EXOC4: variants seen among roughly 807,000 people sequenced by gnomAD.
The protein encoded by EXOC4 is exocyst complex component 4.
In EXOC4, 71 loss-of-function variants were observed where a neutral mutation model predicts 107.2. The observed-to-expected ratio is 0.66, with a 90% CI of 0.55 to 0.81. The LOEUF (loss-of-function observed/expected upper bound fraction) is 0.81. Among genes scored for constraint, EXOC4 ranks in the 30% least tolerant of loss-of-function variants. The pLI is 0.00. For synonymous variants in EXOC4, 456 were observed against 441.2 expected (o/e 1.03, Z -0.42); for missense variants, 1,108 against 1,189.6 (o/e 0.93, Z 1.01).
At chr7:133,361,211 T>C (rs567128044) in intron 6 of EXOC4, among the ~76,000 whole-genome samples, 1 of 152,362 alleles carries the variant, frequency 6.6e-6, no homozygotes, top group South Asian at 2.1e-4. Flanking sequence ...AACGCTAAGA[T>C]GTGAGAATGA....
At chr7:133,513,584 T>G (rs1039882464) in intron 9 of EXOC4, among the ~76,000 whole-genome samples, 3 of 152,216 alleles carry the variant, frequency 2.0e-5, no homozygotes, top group African/African-American at 7.2e-5. Flanking sequence ...CCTGTCTTTT[T>G]GTGTTCTTGG....
At chr7:133,827,788 C>T (rs1187113858) in intron 11 of EXOC4, among the ~76,000 whole-genome samples, 1 of 152,162 alleles carries the variant, frequency 6.6e-6, no homozygotes, top group East Asian at 1.9e-4. Context: ...AGGACTTTAT[C>T]TCCTTGGGTA....
At chr7:133,760,278 A>G (rs1440281372) in intron 10 of EXOC4, among the ~76,000 whole-genome samples, 1 of 152,328 alleles carries the variant, frequency 6.6e-6, no homozygotes, top group East Asian at 1.9e-4. Context: ...GTGTTTATGT[A>G]TAGTGACTAT....
At chr7:133,876,884 C>G (rs977558234) in intron 11 of EXOC4, among the ~76,000 whole-genome samples, 1 of 151,600 alleles carries the variant, frequency 6.6e-6, no homozygotes, top group Admixed American at 6.6e-5. Context: ...TTCAGCAATT[C>G]GATTATTTGT....
intron 14 of EXOC4, among the ~76,000 whole-genome samples, chr7:133,963,325 A>G (rs547392665): frequency 6.6e-6 from 1 of 152,354 alleles, no homozygotes; most frequent in Non-Finnish European, 1.5e-5. Context: ...TGTAGAGTAC[A>G]TTTTAGGGTA....
intron 9 of EXOC4, among the ~76,000 whole-genome samples, chr7:133,546,149 G>A (rs1268844437): frequency 1.3e-5 from 2 of 151,868 alleles, no homozygotes; most frequent in Non-Finnish European, 2.9e-5. Flanking sequence ...TCTTTCTTAT[G>A]GGTACTGTTT....
intron 5 of EXOC4, among the ~76,000 whole-genome samples, chr7:133,354,311 T>C (rs1284065445): frequency 9.9e-5 from 15 of 152,170 alleles, no homozygotes; most frequent in Admixed American, 9.8e-4. Context: ...GTTTTGATGT[T>C]GTTATTGTTT....
intron 10 of EXOC4, among the ~76,000 whole-genome samples, chr7:133,699,148 A>C (rs919633353): frequency 6.6e-6 from 1 of 152,118 alleles, no homozygotes; most frequent in African/African-American, 2.4e-5. Flanking sequence ...AGAGTGTTTA[A>C]AATGCATGTT....
intron 9 of EXOC4, among the ~76,000 whole-genome samples, chr7:133,552,986 T>G (rs951744382): frequency 1.6e-4 from 25 of 152,268 alleles, no homozygotes; most frequent in African/African-American, 5.8e-4. Context: ...GCTTTTGGTA[T>G]AATTGAAGGA....
chr7:133,986,310 G>C (rs1485163018), intron 14 of EXOC4, among the ~76,000 whole-genome samples: 1 of 152,170 alleles, frequency 6.6e-6, no homozygotes, highest in East Asian at 1.9e-4. Context: ...CTTTCCAAAT[G>C]TGTTTCTTAG....
At chr7:133,929,515 T>C (rs1800128587) in intron 13 of EXOC4, among the ~76,000 whole-genome samples, 1 of 152,166 alleles carries the variant, frequency 6.6e-6, no homozygotes, top group Admixed American at 6.5e-5. Context: ...TTTTCACTTT[T>C]TTGCCAATTT....
At chr7:133,486,027 TTTCCATTAG>T (rs2150868633) in intron 9 of EXOC4, among the ~76,000 whole-genome samples, 1 of 152,366 alleles carries the variant, frequency 6.6e-6, no homozygotes, top group African/African-American at 2.4e-5. Flanking sequence ...GCCATTTTTA[TTTCCATTAG>T]TTTAATGAGT....
Position 133,629,528 on chromosome 7 carries a change from T to TG in EXOC4, c.1418-516dup, listed in dbSNP as rs1165872133. Among the ~76,000 whole-genome samples the TG allele has an allele frequency of 3.2e-3, 135 of 41,698 alleles. No individual in the cohort carries two copies. The Middle Eastern group carries it at 0.044, about 14-fold the overall frequency. The allele number at this position is 41,698 out of a possible 152,430, so 27.4% of individuals were successfully genotyped here. ...AGAGTAAAAGTGCTGTTTTTTGTTT[T>TG]GTTTTGTTTGTTTGTTTGTTTGTTT... is the stretch of plus-strand genomic sequence containing the variant. On this transcript the variant is annotated intron_variant, in intron 9 of 17. Coordinates refer to ENST00000253861, the MANE Select transcript of EXOC4 (RefSeq NM_021807.4).
At chr7:133,941,820 A>ATT (rs1800434901) in intron 14 of EXOC4, among the ~76,000 whole-genome samples, 1 of 54,508 alleles carries the variant, frequency 1.8e-5, no homozygotes, top group South Asian at 4.3e-4. Context: ...ATGCTTACAG[A>ATT]TTCTCTCTCT....
chr7:133,601,768 G>A (rs1249989389), intron 9 of EXOC4: 3 of 152,248 alleles, frequency 2.0e-5, no homozygotes, highest in Non-Finnish European at 4.4e-5. Flanking sequence ...GTATCTTAAG[G>A]TGTGAATTGT....
intron 17 of EXOC4, among the ~76,000 whole-genome samples, chr7:134,045,075 A>G (rs1795616383): frequency 6.6e-6 from 1 of 152,236 alleles, no homozygotes; most frequent in South Asian, 2.1e-4. Context: ...TGAGGACTAA[A>G]TCAGGTGTAT....
intron 13 of EXOC4, among the ~76,000 whole-genome samples, chr7:133,935,576 T>A (rs1412251416): frequency 6.6e-6 from 1 of 152,192 alleles, no homozygotes; most frequent in Non-Finnish European, 1.5e-5. Flanking sequence ...ATATGTAACA[T>A]ACTTCCTCCT....
intron 7 of EXOC4, among the ~76,000 whole-genome samples, chr7:133,431,031 G>A (rs529589580): frequency 5.3e-5 from 8 of 152,268 alleles, no homozygotes; most frequent in South Asian, 2.1e-4. Context: ...AATCCAACCC[G>A]TTTGTTTCGT....
At chr7:133,600,069 T>A (rs1801772325) in intron 9 of EXOC4, among the ~76,000 whole-genome samples, 1 of 151,630 alleles carries the variant, frequency 6.6e-6, no homozygotes, top group South Asian at 2.1e-4. Flanking sequence ...CCTGTGTAAT[T>A]TTTTGTATTT....
Sources: gnomAD v4.1 joint callset for allele counts (sites outside exome capture counted in the v4.1 genomes callset) on GRCh38, gnomAD v4.1.1 for gene constraint, MANE v1.5 for transcripts, NCBI Gene and HGNC (gene_info 2026-07-23, HGNC 2026-07-21) for gene names.